The following MACROD2 variants were observed in gnomAD, a reference collection of about 807,000 sequenced individuals.
The protein encoded by MACROD2 is mono-ADP ribosylhydrolase 2, also known as ADP-ribose glycohydrolase MACROD2.
Under a neutral mutation model 70.4 loss-of-function variants are expected in MACROD2, and 36 were observed. The ratio of observed to expected loss-of-function variants is 0.51; its 90% CI spans 0.39 to 0.68. MACROD2 has a LOEUF of 0.68. Ranked by LOEUF, MACROD2 falls within the 30% of genes least tolerant of loss-of-function variation. The pLI is 0.00. For missense variants in MACROD2, 496 were observed against 538.4 expected (o/e 0.92, Z 0.78); for synonymous variants, 172 against 178.8 (o/e 0.96, Z 0.30).
chr20:14,564,026 C>A (rs2123299495), intron 4 of MACROD2, among the ~76,000 whole-genome samples: 1 of 151,870 alleles, frequency 6.6e-6, no homozygotes, highest in African/African-American at 2.4e-5. Flanking sequence ...GAAAGAGAAC[C>A]CAAAAATAAG....
At chr20:14,678,558 T>C (rs1177516182) in intron 4 of MACROD2, among the ~76,000 whole-genome samples, 1 of 152,172 alleles carries the variant, frequency 6.6e-6, no homozygotes, top group African/African-American at 2.4e-5. Flanking sequence ...CTTTTAGATT[T>C]CTGATCTTGG....
At chr20:14,851,947 G>T (rs541792311) in intron 5 of MACROD2, among the ~76,000 whole-genome samples, 20 of 152,266 alleles carry the variant, frequency 1.3e-4, no homozygotes, top group African/African-American at 4.3e-4. Flanking sequence ...AGAGAAGGTG[G>T]CATGGTAATG....
chr20:15,110,825 C>T (rs1421795559), intron 5 of MACROD2, among the ~76,000 whole-genome samples: 1 of 152,184 alleles, frequency 6.6e-6, no homozygotes, highest in Non-Finnish European at 1.5e-5. Context: ...CTCCCTAGGT[C>T]TGAGAGCCAG....
chr20:15,600,663 G>A (rs892134165), intron 8 of MACROD2, among the ~76,000 whole-genome samples: 2 of 152,050 alleles, frequency 1.3e-5, no homozygotes, highest in African/African-American at 2.4e-5. Context: ...GGAAGGTAAC[G>A]GCATTTTAAA....
At chr20:14,492,442 T>A (rs1212810080) in intron 3 of MACROD2, among the ~76,000 whole-genome samples, 1 of 152,188 alleles carries the variant, frequency 6.6e-6, no homozygotes, top group East Asian at 1.9e-4. Context: ...CAGTAAACTG[T>A]CACATATCTA....
intron 4 of MACROD2, among the ~76,000 whole-genome samples, chr20:14,646,685 CATT>C (rs1305682244): frequency 6.6e-6 from 1 of 151,990 alleles, no homozygotes; most frequent in Non-Finnish European, 1.5e-5. Context: ...CCCTTTGCAT[CATT>C]ATGTTTGCAT....
chr20:14,302,086 T>G (rs1292082520), intron 3 of MACROD2, among the ~76,000 whole-genome samples: 1 of 152,258 alleles, frequency 6.6e-6, no homozygotes, highest in African/African-American at 2.4e-5. Flanking sequence ...ATGCATTTAT[T>G]ATCTCAAAGT....
intron 5 of MACROD2, among the ~76,000 whole-genome samples, chr20:15,011,351 T>A (rs989968135): frequency 6.6e-6 from 1 of 151,536 alleles, no homozygotes; most frequent in Admixed American, 6.6e-5. Flanking sequence ...AGAGAGAGAG[T>A]GAGAGAAGGA....
intron 3 of MACROD2, among the ~76,000 whole-genome samples, chr20:14,198,522 T>G (rs1409202872): frequency 6.6e-6 from 1 of 152,172 alleles, no homozygotes; most frequent in Non-Finnish European, 1.5e-5. Context: ...AAAACTCTGG[T>G]TATTCATCAA....
chr20:15,122,865 G>C (rs1420141892), intron 5 of MACROD2, among the ~76,000 whole-genome samples: 1 of 152,074 alleles, frequency 6.6e-6, no homozygotes, highest in Non-Finnish European at 1.5e-5. Flanking sequence ...AATAACTAGG[G>C]TGAAAAAGTC....
At chr20:15,070,275 G>T (rs74179755) in intron 5 of MACROD2, among the ~76,000 whole-genome samples, 2,728 of 152,184 alleles carry the variant, frequency 0.018, 36 homozygotes, top group Middle Eastern at 0.044. Context: ...ACTTATTTTT[G>T]ATTTTACACG....
At chr20:15,485,464 T>A (rs1407205517) in intron 7 of MACROD2, among the ~76,000 whole-genome samples, 3 of 152,172 alleles carry the variant, frequency 2.0e-5, no homozygotes, top group Non-Finnish European at 2.9e-5. Context: ...ATCTTGTATC[T>A]GCTTACTACA....
intron 2 of MACROD2, among the ~76,000 whole-genome samples, chr20:14,018,233 A>C (rs1346011851): frequency 6.6e-6 from 1 of 151,910 alleles, no homozygotes; most frequent in East Asian, 1.9e-4. Context: ...TAAAGAACTA[A>C]AATTTTGTTT....
chr20:15,332,210 C>CA (rs776205443), intron 6 of MACROD2, among the ~76,000 whole-genome samples: 3 of 151,310 alleles, frequency 2.0e-5, no homozygotes, highest in Admixed American at 6.6e-5. Context: ...ATGCAAAATG[C>CA]AAAAAATGCA....
intron 10 of MACROD2, among the ~76,000 whole-genome samples, chr20:15,908,126 T>A: frequency 7.2e-6 from 1 of 139,468 alleles, no homozygotes; most frequent in Non-Finnish European, 1.6e-5. Context: ...TTGCTGTGTT[T>A]TTTGTTTTTT....
At chr20:15,522,917 T>C (rs1405621136) in intron 8 of MACROD2, among the ~76,000 whole-genome samples, 1 of 152,206 alleles carries the variant, frequency 6.6e-6, no homozygotes, top group African/African-American at 2.4e-5. Context: ...ACAAATTCAC[T>C]TTCTGCCACC....
At chr20:14,860,517 C>A (rs1278444850) in intron 5 of MACROD2, among the ~76,000 whole-genome samples, 1 of 152,076 alleles carries the variant, frequency 6.6e-6, no homozygotes, top group Non-Finnish European at 1.5e-5. Flanking sequence ...CACCTCCCTC[C>A]CGGCTGGAAC....
At chr20:15,480,049 A>G (rs1370072724) in intron 7 of MACROD2, among the ~76,000 whole-genome samples, 1 of 152,196 alleles carries the variant, frequency 6.6e-6, no homozygotes, top group African/African-American at 2.4e-5. Context: ...TAGTGTAGAG[A>G]AGAATGTGAT....
chr20:14,308,216 A>G (rs372693091), intron 3 of MACROD2, among the ~76,000 whole-genome samples: 3 of 152,170 alleles, frequency 2.0e-5, no homozygotes, highest in African/African-American at 4.8e-5. Context: ...TGCCTCCTGC[A>G]CTTTATAAAC....
Sources: gnomAD v4.1 joint callset for allele counts (sites outside exome capture counted in the v4.1 genomes callset) on GRCh38, gnomAD v4.1.1 for gene constraint, MANE v1.5 for transcripts, NCBI Gene and HGNC (gene_info 2026-07-23, HGNC 2026-07-21) for gene names.